Variants in TBC1D1 observed in about 807,000 individuals in gnomAD.
TBC1D1 encodes the protein TBC1 domain family member 1.
In TBC1D1, 89 loss-of-function variants were observed where a neutral mutation model predicts 125.6. The ratio of observed to expected loss-of-function variants is 0.71; its 90% CI spans 0.60 to 0.85. The LOEUF (loss-of-function observed/expected upper bound fraction) is 0.85, where lower values mean the gene tolerates loss of function less well. Ranked by LOEUF, TBC1D1 falls within the 40% of genes least tolerant of loss-of-function variation. TBC1D1 has a pLI of 0.00. For synonymous variants in TBC1D1, 565 were observed against 564.1 expected (o/e 1.00, Z -0.02); for missense variants, 1,377 against 1,469.2 (o/e 0.94, Z 1.03).
At chr4:37,965,180 T>A (rs1306947171) in intron 2 of TBC1D1, among the ~76,000 whole-genome samples, 1 of 152,152 alleles carries the variant, frequency 6.6e-6, no homozygotes, top group Non-Finnish European at 1.5e-5. Flanking sequence ...AGTAAAGTGG[T>A]TAAGTTGGCA....
intron 3 of TBC1D1, among the ~76,000 whole-genome samples, 188 bp from the exon 4 acceptor site, chr4:38,018,166 A>G (rs1422391191): frequency 2.6e-5 from 4 of 152,204 alleles, no homozygotes; most frequent in Non-Finnish European, 1.5e-5. Context: ...TGGCTGTCTT[A>G]TCTAGGTGAA....
At chr4:38,086,578 C>T (rs1757519391) in intron 12 of TBC1D1, among the ~76,000 whole-genome samples, 1 of 152,176 alleles carries the variant, frequency 6.6e-6, no homozygotes, top group African/African-American at 2.4e-5. Context: ...TGGACTTGGC[C>T]TGGATCCCCC....
At chr4:38,053,413 C>G (rs1227108832) in intron 11 of TBC1D1, among the ~76,000 whole-genome samples, 188 bp downstream of exon 13, 1 of 152,178 alleles carries the variant, frequency 6.6e-6, no homozygotes. Flanking sequence ...AACCTGTTCT[C>G]TAGTTTTGAC....
chr4:38,106,465 A>C (rs1000511519), intron 15 of TBC1D1, among the ~76,000 whole-genome samples: 3 of 152,166 alleles, frequency 2.0e-5, no homozygotes, highest in African/African-American at 7.2e-5. Context: ...TGAGGAAAGC[A>C]GTTTTGTGAA....
chr4:38,111,915 A>C, intron 15 of TBC1D1: 1 of 985,460 alleles, frequency 1.0e-6, no homozygotes, highest in Non-Finnish European at 1.2e-6. Context: ...GCTGTTCCCC[A>C]GCCTGGTAGT....
chr4:37,963,387 G>A (rs1295988323), intron 2 of TBC1D1, among the ~76,000 whole-genome samples: 3 of 150,544 alleles, frequency 2.0e-5, no homozygotes, highest in African/African-American at 7.3e-5. Flanking sequence ...GCAAGAAAGA[G>A]TTGAGGTGGG....
At chr4:37,924,169 C>A (rs1721602389) in intron 2 of TBC1D1, among the ~76,000 whole-genome samples, 2 of 152,156 alleles carry the variant, frequency 1.3e-5, no homozygotes, top group Non-Finnish European at 2.9e-5. Flanking sequence ...GGTGTCACTG[C>A]CATATACCAG....
chr4:38,127,467 C>A (rs1310861795), intron 18 of TBC1D1, among the ~76,000 whole-genome samples: 1 of 151,488 alleles, frequency 6.6e-6, no homozygotes, highest in Non-Finnish European at 1.5e-5. Flanking sequence ...TCACTGCAAC[C>A]TCCACCTTCT....
chr4:38,001,775 A>G (rs1308902282), intron 2 of TBC1D1, among the ~76,000 whole-genome samples: 1 of 152,194 alleles, frequency 6.6e-6, no homozygotes, highest in Non-Finnish European at 1.5e-5. Context: ...AGTTATTTCC[A>G]TATGCCTTAC....
intron 19 of TBC1D1, among the ~76,000 whole-genome samples, chr4:38,133,782 C>T (rs970870577): frequency 5.3e-5 from 8 of 152,146 alleles, no homozygotes; most frequent in Admixed American, 2.6e-4. Context: ...CATTTCAACA[C>T]GGATATACTC....
rs919883318 is a variant in TBC1D1 at position 38,067,440 on chromosome 4, A to G, written c.2050+13102A>G. ...TTATTTTGCAGCAGCATCTTCCTCAAACAGTTGCCAGGGGACGGCTTTCCT... is the reference window on the plus strand; with the variant it reads ...TTATTTTGCAGCAGCATCTTCCTCAGACAGTTGCCAGGGGACGGCTTTCCT... On this transcript the variant is annotated intron_variant, in intron 12 of 19. Coordinates refer to ENST00000261439, the MANE Select transcript of TBC1D1 (RefSeq NM_015173.4). Among the ~76,000 whole-genome samples the G allele has an allele frequency of 2.6e-5, 4 of 152,302 alleles. No individual in the cohort carries two copies. The South Asian group carries it at 8.3e-4, about 32-fold the overall frequency.
intron 14 of TBC1D1, among the ~76,000 whole-genome samples, chr4:38,100,230 A>G (rs1161290116): frequency 2.6e-5 from 4 of 152,344 alleles, no homozygotes; most frequent in Middle Eastern, 3.4e-3. Context: ...TGTTGCTACC[A>G]TAACAAGTTA....
At chr4:37,923,547 C>G (rs1377980914) in intron 2 of TBC1D1, among the ~76,000 whole-genome samples, 1 of 152,104 alleles carries the variant, frequency 6.6e-6, no homozygotes, top group African/African-American at 2.4e-5. Flanking sequence ...AGCTGGAAGT[C>G]TCCCTGCACT....
In TBC1D1 at chr4:38,035,629, T is replaced by A. The variant is rs544166322; in HGVS notation, c.1344T>A (p.Ile448=). ...ATGAGCAGCGAGAGAATGAATTGATTATTTCTTTTCTGAGATGTTTATATG... is the reference window on the plus strand; with the variant it reads ...ATGAGCAGCGAGAGAATGAATTGATAATTTCTTTTCTGAGATGTTTATATG... The change falls in exon 8 of 20, where the codon ATT becomes ATA. Residue 448 remains isoleucine, a synonymous_variant. Transcript: ENST00000261439. 6.2e-7 allele frequency: 1 copy of A among 1,613,980 alleles called. No individual in the cohort carries two copies. The highest frequency in any genetic ancestry group is 2.2e-5 in the East Asian group (1 of 44,856).
chr4:38,040,360 C>T lies in TBC1D1; in HGVS notation c.1414-4002C>T, dbSNP rs1748111150. Among the ~76,000 whole-genome samples the T allele has an allele frequency of 2.0e-5, 3 of 152,206 alleles. No individual in the cohort carries two copies. The South Asian group carries it at 6.2e-4, about 31-fold the overall frequency. On this transcript the variant is annotated intron_variant, in intron 8 of 19. Transcript: ENST00000261439. ...CTAGAGTGCAGCGGCACAATCTTGGCTCACTGCAACCTCCGCCTCCCGGGT... is the reference window on the plus strand; with the variant it reads ...CTAGAGTGCAGCGGCACAATCTTGGTTCACTGCAACCTCCGCCTCCCGGGT...
At position 37,902,410 on chromosome 4, in the gene TBC1D1, T is replaced by G. The variant is rs1312506059; in HGVS notation, c.315T>G (p.Ile105Met). The G allele has an allele frequency of 1.2e-6, 2 of 1,614,116 alleles. No individual in the cohort carries two copies. The highest frequency in any genetic ancestry group is 3.3e-5 in the Admixed American group (2 of 60,010). Residue 105 changes from isoleucine to methionine, a missense_variant, in exon 2 of 20, where the codon ATT becomes ATG. Transcript: ENST00000261439. ...AGCCTCAGCGTGTTCACAAACTGATTCACAACAGTCATGACCCAAGTTACT... is the reference window on the plus strand; with the variant it reads ...AGCCTCAGCGTGTTCACAAACTGATGCACAACAGTCATGACCCAAGTTACT...
intron 12 of TBC1D1, among the ~76,000 whole-genome samples, chr4:38,058,174 T>C (rs917640203): frequency 2.6e-5 from 4 of 152,218 alleles, no homozygotes; most frequent in African/African-American, 9.6e-5. Flanking sequence ...GACTGGAGCT[T>C]GAATGGCAAC....
intron 12 of TBC1D1, among the ~76,000 whole-genome samples, chr4:38,056,938 G>A (rs1356404109): frequency 6.6e-6 from 1 of 152,210 alleles, no homozygotes; most frequent in Non-Finnish European, 1.5e-5. Context: ...TGACCAGTAA[G>A]TTGTATATAT....
intron 2 of TBC1D1, among the ~76,000 whole-genome samples, chr4:37,925,377 A>G (rs1336570396): frequency 6.6e-6 from 1 of 152,208 alleles, no homozygotes; most frequent in African/African-American, 2.4e-5. Context: ...AGGTGGAAGG[A>G]ACAAAGAAAC....
Sources: allele counts gnomAD v4.1 joint callset (sites outside exome capture counted in the v4.1 genomes callset), GRCh38; gene constraint gnomAD v4.1.1; transcripts MANE v1.5; gene names NCBI Gene and HGNC (gene_info 2026-07-23, HGNC 2026-07-21).